The following PTPRM variants were observed in gnomAD, a reference collection of about 807,000 sequenced individuals.
PTPRM encodes receptor-type tyrosine-protein phosphatase mu.
A neutral mutation model predicts 186.7 loss-of-function variants in PTPRM; 47 were observed. The observed-to-expected ratio is 0.25, with a 90% confidence interval of 0.20 to 0.32. The LOEUF is 0.32. Among genes scored for constraint, PTPRM ranks in the 10% least tolerant of loss-of-function variants. The probability of loss-of-function intolerance (pLI) is 1.00; values close to 1 mark genes in which losing one functional copy is unlikely to be tolerated. For missense variants in PTPRM, 1,494 were observed against 1,865.0 expected, an observed-to-expected ratio of 0.80 and a Z score of 3.66; for synonymous variants, 668 against 674.9, an observed-to-expected ratio of 0.99 and a Z score of 0.16.
At chr18:8,174,556 C>CT (rs1378316425) in intron 14 of PTPRM, among the ~76,000 whole-genome samples, 6 of 152,052 alleles carry the variant, frequency 3.9e-5, no homozygotes, top group Non-Finnish European at 8.8e-5. Flanking sequence ...ACAATACTGA[C>CT]CAAGTGTGGA....
intron 14 of PTPRM, among the ~76,000 whole-genome samples, chr18:8,173,327 A>G (rs772750381): frequency 6.6e-6 from 1 of 152,268 alleles, no homozygotes; most frequent in African/African-American, 2.4e-5. Flanking sequence ...AACAAGTATT[A>G]GCATATGAAT....
At chr18:7,804,998 AG>A in intron 2 of PTPRM, among the ~76,000 whole-genome samples, 1 of 152,204 alleles carries the variant, frequency 6.6e-6, no homozygotes, top group Non-Finnish European at 1.5e-5. Flanking sequence ...GTACAATTTC[AG>A]ATTGAGCCAA....
chr18:7,950,673 C>A (rs1265033962), intron 6 of PTPRM, among the ~76,000 whole-genome samples: 1 of 152,088 alleles, frequency 6.6e-6, no homozygotes, highest in Non-Finnish European at 1.5e-5. Flanking sequence ...ACATAGTGAG[C>A]AATGGGTGCT....
intron 1 of PTPRM, among the ~76,000 whole-genome samples, chr18:7,610,828 T>C (rs948516742): frequency 2.9e-4 from 44 of 152,228 alleles, no homozygotes; most frequent in Admixed American, 2.2e-3. Flanking sequence ...TTTTAGAGTG[T>C]ACTGCTTCTT....
At chr18:7,777,291 G>A (rs2042633883) in intron 2 of PTPRM, among the ~76,000 whole-genome samples, 1 of 152,184 alleles carries the variant, frequency 6.6e-6, no homozygotes, top group Admixed American at 6.5e-5. Context: ...GCTAGTTTTT[G>A]TGTGGCTTGT....
chr18:8,281,981 G>A lies in PTPRM; in HGVS notation c.2755-14387G>A, dbSNP rs190700404. Reference sequence around the variant, plus strand: ...TTCATTAAAATTTAAAACTCTTGCTGTGTAAGAGGATGAAAAGACAAGCTG... The same window carrying A: ...TTCATTAAAATTTAAAACTCTTGCTATGTAAGAGGATGAAAAGACAAGCTG... On this transcript the variant is annotated intron_variant, in intron 19 of 32. Coordinates refer to ENST00000580170, the MANE Select transcript of PTPRM (RefSeq NM_001105244.2). Among the ~76,000 whole-genome samples the A allele has an allele frequency of 4.2e-3, 632 of 152,148 alleles. 6 individuals are homozygous for A. Among genetic ancestry groups the A allele is most frequent in the Middle Eastern group, 3.4e-3 (1 of 292 alleles).
intron 1 of PTPRM, among the ~76,000 whole-genome samples, chr18:7,767,116 C>T (rs185503452): frequency 6.6e-6 from 1 of 152,268 alleles, no homozygotes; most frequent in East Asian, 1.9e-4. Context: ...ACAGGTTCCC[C>T]TTAGACTGTG....
intron 5 of PTPRM, among the ~76,000 whole-genome samples, chr18:7,934,838 C>A (rs1241026582): frequency 6.6e-6 from 1 of 152,140 alleles, no homozygotes; most frequent in Non-Finnish European, 1.5e-5. Context: ...AACCATAATG[C>A]ATGTTTGGTA....
intron 24 of PTPRM, 150 bp downstream of exon 24, chr18:8,371,156 C>T: frequency 2.0e-6 from 1 of 500,994 alleles, no homozygotes; most frequent in South Asian, 4.4e-5. Context: ...ATCTTGCTCT[C>T]TGATTCTATA....
At chr18:7,996,255 G>A (rs549369445) in intron 7 of PTPRM, among the ~76,000 whole-genome samples, 3 of 151,346 alleles carry the variant, frequency 2.0e-5, no homozygotes, top group East Asian at 3.9e-4. Flanking sequence ...TTCAACATAC[G>A]CAAATCGATG....
At chr18:7,966,698 C>G (rs1034612707) in intron 7 of PTPRM, among the ~76,000 whole-genome samples, 1 of 146,914 alleles carries the variant, frequency 6.8e-6, no homozygotes, top group Non-Finnish European at 1.5e-5. Context: ...GGGTGACGGG[C>G]GCACCTGGAA....
intron 13 of PTPRM, among the ~76,000 whole-genome samples, chr18:8,142,807 G>A (rs1261456942): frequency 6.6e-6 from 1 of 152,098 alleles, no homozygotes; most frequent in African/African-American, 2.4e-5. Context: ...GTCTTTTTAG[G>A]GAATTGAACA....
Position 8,344,448 on chromosome 18 carries a change from G to GTATATATATATATATATATATA in PTPRM, c.3054+934_3054+955dup, listed in dbSNP as rs1207996603. 6.4e-3 allele frequency among the ~76,000 whole-genome samples: 213 copies of GTATATATATATATATATATATA among 33,256 alleles called. 2 individuals carry two copies. Among genetic ancestry groups the GTATATATATATATATATATATA allele is most frequent in the Non-Finnish European group, 0.018 (163 of 9,226 alleles). 21.8% of individuals were successfully genotyped at this position (33,256 alleles called of 152,430 possible). On this transcript the variant is annotated intron_variant, in intron 23 of 32. Transcript: ENST00000580170. Reference sequence around the variant, plus strand: ...TATATATATGTGTGTGTGTGTGTGTGTATATATATATATATATATATATAT... The same window carrying GTATATATATATATATATATATA: ...TATATATATGTGTGTGTGTGTGTGTGTATATATATATATATATATATATATATATATATATATATATATATAT...
At chr18:7,573,011 C>T (rs529640197) in intron 1 of PTPRM, among the ~76,000 whole-genome samples, 1 of 152,260 alleles carries the variant, frequency 6.6e-6, no homozygotes, top group African/African-American at 2.4e-5. Flanking sequence ...AGTTGGGCTG[C>T]CTTGGGTGGA....
chr18:7,973,261 A>G (rs2054694137), intron 7 of PTPRM, among the ~76,000 whole-genome samples: 1 of 152,154 alleles, frequency 6.6e-6, no homozygotes. Context: ...TTAAGGTAGA[A>G]TTGCAGGGCC....
chr18:8,286,914 A>T (rs2094963085), intron 19 of PTPRM, among the ~76,000 whole-genome samples: 1 of 152,088 alleles, frequency 6.6e-6, no homozygotes, highest in Admixed American at 6.6e-5. Context: ...AGTCACAAAT[A>T]TCACATTAAA....
At chr18:8,050,032 A>G (rs2087364599) in intron 7 of PTPRM, among the ~76,000 whole-genome samples, 1 of 152,124 alleles carries the variant, frequency 6.6e-6, no homozygotes, top group African/African-American at 2.4e-5. Context: ...TTTTTATTGC[A>G]ACTAAGAAGG....
intron 1 of PTPRM, among the ~76,000 whole-genome samples, chr18:7,733,331 T>C (rs960180616): frequency 6.6e-6 from 1 of 152,078 alleles, no homozygotes; most frequent in Admixed American, 6.5e-5. Flanking sequence ...AATGAGAACA[T>C]GTGGTGTTTG....
intron 4 of PTPRM, 118 bp from the exon 5 acceptor site, chr18:7,926,450 T>G (rs959350999): frequency 5.4e-6 from 3 of 554,594 alleles, no homozygotes; most frequent in Non-Finnish European, 9.1e-6. Context: ...GCAAAAGCAT[T>G]ATTTTTTTCC....
Sources: gnomAD v4.1 joint callset for allele counts (sites outside exome capture counted in the v4.1 genomes callset) on GRCh38, gnomAD v4.1.1 for gene constraint, MANE v1.5 for transcripts, NCBI Gene and HGNC (gene_info 2026-07-23, HGNC 2026-07-21) for gene names.